The following EBPL variants were observed in gnomAD, a reference collection of about 807,000 sequenced individuals.
EBPL encodes emopamil-binding protein-like.
In EBPL, 20 loss-of-function variants were observed where a neutral mutation model predicts 19.0. That is an observed-to-expected ratio of 1.05 (90% CI 0.74 to 1.53). The LOEUF (loss-of-function observed/expected upper bound fraction) is 1.53, where lower values mean the gene tolerates loss of function less well. Among genes scored for constraint, EBPL ranks in the 40% most tolerant of loss-of-function variants. The pLI, the probability that EBPL is intolerant of heterozygous loss-of-function variation, is 0.00. For synonymous variants in EBPL, 107 were observed against 117.0 expected, an observed-to-expected ratio of 0.91 and a Z score of 0.55; for missense variants, 219 against 261.1, an observed-to-expected ratio of 0.84 and a Z score of 1.11.
intron 1 of EBPL, among the ~76,000 whole-genome samples, chr13:49,679,141 T>G (rs140595638): frequency 6.6e-6 from 1 of 152,328 alleles, no homozygotes; most frequent in East Asian, 1.9e-4. Context: ...TTGTAGAGAA[T>G]GGAGACAGTT....
At chr13:49,675,176 C>G (rs1953862851) in intron 1 of EBPL, among the ~76,000 whole-genome samples, 2 of 152,240 alleles carry the variant, frequency 1.3e-5, no homozygotes, top group Non-Finnish European at 2.9e-5. Flanking sequence ...TTGTGTAACA[C>G]TTACCTCACA....
intron 1 of EBPL, chr13:49,686,684 T>A (rs1393682841): frequency 8.2e-7 from 1 of 1,212,198 alleles, no homozygotes; most frequent in Admixed American, 2.9e-5. Flanking sequence ...CAGTCATACC[T>A]GGGGCTTCGT....
chr13:49,679,534 C>A (rs1426886755), intron 1 of EBPL, among the ~76,000 whole-genome samples: 1 of 152,118 alleles, frequency 6.6e-6, no homozygotes, highest in Non-Finnish European at 1.5e-5. Flanking sequence ...TTTTCTTGTT[C>A]TGTCACCCAG....
Position 49,660,861 on chromosome 13 carries a change from T to C in EBPL, c.*107A>G, listed in dbSNP as rs1195006107. ...GAAACAGGTTGTTCAGGAGCAACAA[T>C]ACAAAAACAAAGTGTAGACTGGAAT... On this transcript the variant is annotated 3_prime_UTR_variant, in exon 4 of 4. Transcript: ENST00000242827. The C allele has an allele frequency of 9.7e-6, 10 of 1,028,410 alleles. No individual in the cohort carries two copies. Among genetic ancestry groups the C allele is most frequent in the Admixed American group, 7.3e-5 (3 of 40,990 alleles). 63.7% of individuals were successfully genotyped at this position (1,028,410 alleles called of 1,614,324 possible). A position where few individuals can be genotyped will look rare whatever the true frequency, so the allele number is the denominator to read the frequency against.
intron 2 of EBPL, among the ~76,000 whole-genome samples, chr13:49,667,289 T>C (rs909449524): frequency 6.6e-6 from 1 of 152,174 alleles, no homozygotes; most frequent in African/African-American, 2.4e-5. Context: ...TCATTTCCAT[T>C]GATTCTGTGA....
At chr13:49,681,169 G>A (rs1953939132) in intron 1 of EBPL, among the ~76,000 whole-genome samples, 1 of 152,124 alleles carries the variant, frequency 6.6e-6, no homozygotes, top group Non-Finnish European at 1.5e-5. Context: ...CTGGACATAT[G>A]TTATAAAATA....
intron 1 of EBPL, among the ~76,000 whole-genome samples, chr13:49,670,937 T>C (rs1953809314): frequency 1.3e-5 from 2 of 152,318 alleles, no homozygotes; most frequent in South Asian, 4.1e-4. Context: ...TTACATGTCC[T>C]TTCTTGTTCT....
At chr13:49,686,969 G>A (rs941761148) in intron 1 of EBPL, among the ~76,000 whole-genome samples, 12 of 151,952 alleles carry the variant, frequency 7.9e-5, no homozygotes, top group Non-Finnish European at 1.6e-4. Flanking sequence ...CTAATTTTTC[G>A]TAGAGATGAG....
chr13:49,687,642 T>A (rs1285128269), intron 1 of EBPL, among the ~76,000 whole-genome samples: 1 of 152,200 alleles, frequency 6.6e-6, no homozygotes, highest in East Asian at 1.9e-4. Context: ...AGATAAGGTC[T>A]CTCCAGAGAG....
chr13:49,686,769 T>C (rs6561552), intron 1 of EBPL, among the ~76,000 whole-genome samples: 127,622 of 152,028 alleles, frequency 0.84, 53,762 homozygotes, highest in East Asian at 0.92. Context: ...CAACTCAATT[T>C]ACATTTTTCA....
rs1566317041 is a variant in EBPL, at chr13:49,674,122, T to C, written c.172-4276A>G. On this transcript the variant is annotated intron_variant, in intron 1 of 3. Transcript: ENST00000242827. ...ATCAAAATAGAAAATAACTTTTTCT[T>C]TTTTTAGACAGAGTCTTGCTCCCCA... 3.9e-5 allele frequency among the ~76,000 whole-genome samples: 6 copies of C among 152,106 alleles called. No individual in the cohort carries two copies. In the South Asian group the frequency reaches 1.2e-3, roughly 32 times the overall value.
rs191053895 is a variant in EBPL, at chr13:49,670,250, G to C, written c.172-404C>G. ...TTTTTTTTAACTCAAAAAAATCTAA[G>C]ATCTTAAAGAGAAAGGCAATCAAGT... On this transcript the variant is annotated intron_variant, in intron 1 of 3. Transcript: ENST00000242827. Among the ~76,000 whole-genome samples the C allele has an allele frequency of 5.1e-4, 78 of 152,140 alleles. 1 individual carries two copies. Among genetic ancestry groups the C allele is most frequent in the African/African-American group, 1.7e-3 (72 of 41,520 alleles).
Position 49,686,028 on chromosome 13 carries a change from T to G in EBPL, c.171+5226A>C, listed in dbSNP as rs914153994. Among the ~76,000 whole-genome samples the G allele has an allele frequency of 3.9e-5, 6 of 152,100 alleles. 1 individual carries two copies. The South Asian group carries it at 6.2e-4, about 16-fold the overall frequency. On this transcript the variant is annotated intron_variant, in intron 1 of 3. Coordinates refer to ENST00000242827, the MANE Select transcript of EBPL (RefSeq NM_032565.5). ...TCAACGAAAAACCATTCACAGGTGT[T>G]AGGTGGGATGCATGGAGAGCCAGCC...
At chr13:49,680,202 G>A (rs1333977443) in intron 1 of EBPL, among the ~76,000 whole-genome samples, 1 of 152,196 alleles carries the variant, frequency 6.6e-6, no homozygotes, top group African/African-American at 2.4e-5. Flanking sequence ...GCGACCACCA[G>A]GGTAGATCCC....
chr13:49,691,410 C>A lies in EBPL; in HGVS notation c.15G>T (p.Trp5Cys). The change falls in exon 1 of 4, where the codon TGG becomes TGT. Residue 5 changes from tryptophan (W) to cysteine (C), a missense_variant. Trp to Cys is a radical substitution (Grantham distance 215). Coordinates refer to ENST00000242827, the MANE Select transcript of EBPL (RefSeq NM_032565.5). ...AACCGCCAGCCTCGGCCCCCAGCTC[C>A]CACTCAGCGCCCATGCTTCAGGCTT... MGAE[W>C]ELGAEAGGSL... The A allele has an allele frequency of 7.4e-7, 1 of 1,345,412 alleles. No individual in the cohort carries two copies. Among genetic ancestry groups the A allele is most frequent in the Non-Finnish European group, 9.5e-7 (1 of 1,049,850 alleles). 83.3% of individuals were successfully genotyped at this position (1,345,412 alleles called of 1,614,324 possible).
rs117027817 is a variant in EBPL, at chr13:49,672,699, C to A, written c.172-2853G>T. Among the ~76,000 whole-genome samples, 5 of 152,340 alleles carry A rather than the reference C, an allele frequency of 3.3e-5. No individual in the cohort carries two copies. The East Asian group carries it at 7.7e-4, about 23-fold the overall frequency. ...AATAAGCACATGGAAAGATGTTCAACCTCATTAGCCACCAAGGAAACACAC... is the reference window on the plus strand; with the variant it reads ...AATAAGCACATGGAAAGATGTTCAAACTCATTAGCCACCAAGGAAACACAC... On this transcript the variant is annotated intron_variant, in intron 1 of 3. Transcript: ENST00000242827.
At chr13:49,687,498 A>G (rs1389952964) in intron 1 of EBPL, among the ~76,000 whole-genome samples, 1 of 152,168 alleles carries the variant, frequency 6.6e-6, no homozygotes, top group Non-Finnish European at 1.5e-5. Flanking sequence ...AAAGACATTT[A>G]TATCAATTTT....
intron 2 of EBPL, among the ~76,000 whole-genome samples, chr13:49,664,839 G>C (rs1437843802): frequency 1.3e-5 from 2 of 152,062 alleles, no homozygotes; most frequent in Non-Finnish European, 2.9e-5. Flanking sequence ...AAGAGGATTA[G>C]CTATTTAATG....
At chr13:49,690,173 C>CAAAAAAAAAAAAAAAAAAAA (rs1332181431) in intron 1 of EBPL, among the ~76,000 whole-genome samples, 2 of 96,486 alleles carry the variant, frequency 2.1e-5, no homozygotes, top group Non-Finnish European at 4.1e-5. Flanking sequence ...AAAAAAAAGA[C>CAAAAAAAAAAAAAAAAAAAA]AAAAAAAAAA....
Sources: allele counts gnomAD v4.1 joint callset (sites outside exome capture counted in the v4.1 genomes callset), GRCh38; gene constraint gnomAD v4.1.1; transcripts MANE v1.5; gene names NCBI Gene and HGNC (gene_info 2026-07-23, HGNC 2026-07-21).